Variants in RANBP2 observed in about 807,000 individuals in gnomAD.
RANBP2 encodes RAN binding protein 2, also known as E3 SUMO-protein ligase RanBP2.
RANBP2 carries 57 observed loss-of-function variants against 303.6 expected under a neutral mutation model. The observed-to-expected ratio is 0.19, with a 90% CI of 0.15 to 0.23. The LOEUF (loss-of-function observed/expected upper bound fraction) is 0.23, where lower values mean the gene tolerates loss of function less well. Among genes scored for constraint, RANBP2 ranks in the 10% least tolerant of loss-of-function variants. The probability of loss-of-function intolerance (pLI) is 1.00; values close to 1 mark genes in which losing one functional copy is unlikely to be tolerated. For synonymous variants in RANBP2, 1,167 were observed against 1,301.5 expected, an observed-to-expected ratio of 0.90 and a Z score of 2.23; for missense variants, 3,138 against 3,780.8, an observed-to-expected ratio of 0.83 and a Z score of 4.46.
chr2:108,720,981 G>A (rs1201881325), intron 1 of RANBP2, among the ~76,000 whole-genome samples: 1 of 152,088 alleles, frequency 6.6e-6, no homozygotes, highest in African/African-American at 2.4e-5. Flanking sequence ...CCCGGGAGGC[G>A]GAGGTTCCAG....
chr2:109,640,524 C>T, the RANBP2 span, among the ~76,000 whole-genome samples: 1 of 152,122 alleles, frequency 6.6e-6, no homozygotes, highest in Non-Finnish European at 1.5e-5. Context: ...AATGTTTCCT[C>T]ACAATCACTT....
chr2:109,722,552 T>C, the RANBP2 span, among the ~76,000 whole-genome samples: 2 of 152,222 alleles, frequency 1.3e-5, no homozygotes, highest in Admixed American at 6.5e-5. Context: ...ACGTGTGCCA[T>C]GGTGGTTTGC....
At chr2:109,274,418 G>C in the RANBP2 span, among the ~76,000 whole-genome samples, 3 of 152,204 alleles carry the variant, frequency 2.0e-5, no homozygotes, top group African/African-American at 7.2e-5. Context: ...TAAACAAAAT[G>C]TGGCCTGTGC....
At chr2:109,528,881 C>T in the RANBP2 span, among the ~76,000 whole-genome samples, 7 of 152,236 alleles carry the variant, frequency 4.6e-5, 1 homozygote, top group African/African-American at 1.7e-4. Flanking sequence ...GCAGAAGGGT[C>T]GGTGTAGGCC....
the RANBP2 span, among the ~76,000 whole-genome samples, chr2:109,248,967 C>T: frequency 6.6e-6 from 1 of 151,918 alleles, no homozygotes; most frequent in African/African-American, 2.4e-5. Flanking sequence ...ATGCAGCCTC[C>T]AACTCCTGGG....
At chr2:108,980,970 G>A in the RANBP2 span, among the ~76,000 whole-genome samples, 3 of 63,070 alleles carry the variant, frequency 4.8e-5, no homozygotes, top group South Asian at 8.3e-4. Flanking sequence ...GACCTCTGAC[G>A]GACTAGACCG....
At chr2:109,520,598 CAAAAAAAAAAAAAAAAAA>C in the RANBP2 span, among the ~76,000 whole-genome samples, 1 of 50,100 alleles carries the variant, frequency 2.0e-5, no homozygotes, top group Non-Finnish European at 4.0e-5. Context: ...GACTCCATCT[CAAAAAAAAAAAAAAAAAA>C]AAAAAAAAGA....
chr2:109,696,684 G>A, the RANBP2 span, among the ~76,000 whole-genome samples: 11,439 of 152,126 alleles, frequency 0.075, 937 homozygotes, highest in African/African-American at 0.21. Context: ...AGATTTTATC[G>A]GAATTGTATT....
At chr2:109,289,678 C>G in the RANBP2 span, among the ~76,000 whole-genome samples, 1 of 152,250 alleles carries the variant, frequency 6.6e-6, no homozygotes, top group Non-Finnish European at 1.5e-5. Flanking sequence ...TGTTGGCAGG[C>G]TGCACTTCAT....
the RANBP2 span, among the ~76,000 whole-genome samples, chr2:108,849,869 T>C: frequency 6.6e-6 from 1 of 152,214 alleles, no homozygotes; most frequent in Non-Finnish European, 1.5e-5. Flanking sequence ...TGAATGCTGA[T>C]GAGTCTCAGG....
At chr2:109,327,384 A>G in the RANBP2 span, among the ~76,000 whole-genome samples, 22 of 152,254 alleles carry the variant, frequency 1.4e-4, no homozygotes, top group Admixed American at 3.9e-4. Context: ...CTATTTGTCT[A>G]TTGTTGATTA....
chr2:108,960,363 G>A, the RANBP2 span, among the ~76,000 whole-genome samples: 1 of 152,220 alleles, frequency 6.6e-6, no homozygotes, highest in Non-Finnish European at 1.5e-5. Flanking sequence ...GGTGGTCTAT[G>A]TTCTCAAGAC....
chr2:109,346,082 A>G, the RANBP2 span, among the ~76,000 whole-genome samples: 1 of 152,220 alleles, frequency 6.6e-6, no homozygotes, highest in Admixed American at 6.5e-5. Flanking sequence ...TTGTCTTGCA[A>G]ATTACCCCTT....
the RANBP2 span, chr2:109,449,206 C>A: frequency 2.5e-6 from 4 of 1,613,728 alleles, no homozygotes; most frequent in Non-Finnish European, 3.4e-6. Flanking sequence ...GACCGGCCAA[C>A]TGCCACCGTG....
the RANBP2 span, chr2:108,908,098 T>C: frequency 6.8e-7 from 1 of 1,472,760 alleles, no homozygotes; most frequent in Non-Finnish European, 9.1e-7. Flanking sequence ...GGTGAACTTG[T>C]CCATTGCCCA....
the RANBP2 span, among the ~76,000 whole-genome samples, chr2:109,219,691 A>G: frequency 2.6e-5 from 4 of 152,240 alleles, no homozygotes; most frequent in Non-Finnish European, 4.4e-5. Context: ...TCAATTTGCA[A>G]TCTCATCAAA....
At chr2:108,833,582 T>C in the RANBP2 span, among the ~76,000 whole-genome samples, 1 of 152,210 alleles carries the variant, frequency 6.6e-6, no homozygotes, top group African/African-American at 2.4e-5. Flanking sequence ...GCAAACCCTT[T>C]TTTGTAAAAG....
the RANBP2 span, among the ~76,000 whole-genome samples, chr2:109,321,595 G>A: frequency 6.6e-6 from 1 of 152,222 alleles, no homozygotes; most frequent in East Asian, 1.9e-4. Flanking sequence ...ACAATCAATA[G>A]AGGATTACAT....
At chr2:108,732,800 A>G (rs1282959814) in intron 4 of RANBP2, among the ~76,000 whole-genome samples, 1 of 152,170 alleles carries the variant, frequency 6.6e-6, no homozygotes, top group Non-Finnish European at 1.5e-5. Flanking sequence ...TGTAAATGTC[A>G]TCATGAAGTA....
Sources: gnomAD v4.1 joint callset for allele counts (sites outside exome capture counted in the v4.1 genomes callset) on GRCh38, gnomAD v4.1.1 for gene constraint, MANE v1.5 for transcripts, NCBI Gene and HGNC (gene_info 2026-07-23, HGNC 2026-07-21) for gene names.